FHIT: variants seen among roughly 807,000 people sequenced by gnomAD.
The protein encoded by FHIT is bis(5'-adenosyl)-triphosphatase.
FHIT carries 19 observed loss-of-function variants against 17.9 expected under a neutral mutation model. The ratio of observed to expected loss-of-function variants is 1.06; its 90% confidence interval spans 0.74 to 1.56. The LOEUF (loss-of-function observed/expected upper bound fraction) is 1.56, where lower values mean the gene tolerates loss of function less well. FHIT is among the 40% of genes most tolerant of loss of function. FHIT has a pLI of 0.00. For missense variants in FHIT, 248 were observed against 189.2 expected, an observed-to-expected ratio of 1.31 and a Z score of -1.82; for synonymous variants, 81 against 69.7, an observed-to-expected ratio of 1.16 and a Z score of -0.81.
At chr3:60,307,942 G>A (rs1708758110) in intron 5 of FHIT, among the ~76,000 whole-genome samples, 1 of 152,070 alleles carries the variant, frequency 6.6e-6, no homozygotes, top group Admixed American at 6.5e-5. Context: ...ATTTACCAAG[G>A]GATCACTATG....
chr3:60,453,884 T>C (rs2031913061), intron 5 of FHIT, among the ~76,000 whole-genome samples: 1 of 152,126 alleles, frequency 6.6e-6, no homozygotes, highest in Non-Finnish European at 1.5e-5. Context: ...TAAATCTTCC[T>C]GGAGTAGCTC....
chr3:59,861,198 A>G (rs1702388724), intron 8 of FHIT, among the ~76,000 whole-genome samples: 1 of 152,182 alleles, frequency 6.6e-6, no homozygotes, highest in Non-Finnish European at 1.5e-5. Flanking sequence ...AAAGACAGCT[A>G]AAACACAAGA....
At chr3:60,510,508 T>A (rs2034908960) in intron 5 of FHIT, among the ~76,000 whole-genome samples, 1 of 152,198 alleles carries the variant, frequency 6.6e-6, no homozygotes. Context: ...TTTATCTCAT[T>A]TTTTGTGAAG....
intron 5 of FHIT, among the ~76,000 whole-genome samples, chr3:60,046,802 C>T (rs138306991): frequency 2.0e-5 from 3 of 152,150 alleles, no homozygotes; most frequent in African/African-American, 7.2e-5. Context: ...GAACTCAGCC[C>T]AAGCTTTCTG....
chr3:60,380,814 T>A (rs919314362), intron 5 of FHIT, among the ~76,000 whole-genome samples: 1 of 152,218 alleles, frequency 6.6e-6, no homozygotes, highest in African/African-American at 2.4e-5. Flanking sequence ...TTATCCATCA[T>A]AGGTTATTCT....
chr3:60,468,780 C>T (rs1048604594), intron 5 of FHIT, among the ~76,000 whole-genome samples: 27 of 152,160 alleles, frequency 1.8e-4, no homozygotes, highest in Admixed American at 9.2e-4. Flanking sequence ...AAGTTTTCTA[C>T]TTTCAGATAG....
At chr3:59,988,220 T>C (rs1228477261) in intron 7 of FHIT, among the ~76,000 whole-genome samples, 1 of 152,070 alleles carries the variant, frequency 6.6e-6, no homozygotes, top group African/African-American at 2.4e-5. Flanking sequence ...ATTCCAAAGT[T>C]AACTTCGTTA....
intron 5 of FHIT, among the ~76,000 whole-genome samples, chr3:60,325,484 T>C (rs1317577286): frequency 6.6e-6 from 1 of 152,240 alleles, no homozygotes; most frequent in Non-Finnish European, 1.5e-5. Context: ...ATTTGTTTTT[T>C]AGAAATGTAA....
At chr3:60,550,721 T>C (rs1460570068) in intron 4 of FHIT, among the ~76,000 whole-genome samples, 1 of 152,126 alleles carries the variant, frequency 6.6e-6, no homozygotes, top group Non-Finnish European at 1.5e-5. Flanking sequence ...CTTAATAACC[T>C]TTCCTCATCA....
intron 7 of FHIT, among the ~76,000 whole-genome samples, chr3:59,969,599 G>GT (rs1160986941): frequency 1.3e-5 from 2 of 152,064 alleles, no homozygotes; most frequent in African/African-American, 4.8e-5. Context: ...CAGTAACTGT[G>GT]TTTTGTATAA....
chr3:60,694,457 T>C (rs1417204322), intron 4 of FHIT, among the ~76,000 whole-genome samples: 2 of 152,112 alleles, frequency 1.3e-5, no homozygotes, highest in South Asian at 2.1e-4. Context: ...CACTTTTACA[T>C]TGTTGGTGGG....
intron 8 of FHIT, among the ~76,000 whole-genome samples, chr3:59,878,252 A>G (rs556763181): frequency 1.5e-4 from 23 of 152,318 alleles, no homozygotes; most frequent in East Asian, 1.2e-3. Context: ...ACCTGACAGA[A>G]GCATTTAAAA....
intron 3 of FHIT, among the ~76,000 whole-genome samples, chr3:60,891,601 T>C (rs1445737270): frequency 1.3e-5 from 2 of 152,220 alleles, no homozygotes; most frequent in Non-Finnish European, 2.9e-5. Context: ...TACGTGTCTA[T>C]ATTTTTTCAG....
At chr3:60,617,758 C>G (rs996151527) in intron 4 of FHIT, 2 of 154,444 alleles carry the variant, frequency 1.3e-5, no homozygotes, top group Non-Finnish European at 2.9e-5. Context: ...AAAAAGTTAT[C>G]CAGATGTGAT....
intron 5 of FHIT, among the ~76,000 whole-genome samples, chr3:60,124,927 G>A (rs538782802): frequency 5.3e-5 from 8 of 152,198 alleles, no homozygotes; most frequent in East Asian, 3.9e-4. Flanking sequence ...ATCTTGCTAG[G>A]GGTCAAAACC....
intron 5 of FHIT, among the ~76,000 whole-genome samples, chr3:60,112,250 C>T (rs1353725733): frequency 2.6e-5 from 4 of 152,076 alleles, no homozygotes; most frequent in African/African-American, 9.7e-5. Flanking sequence ...TAAGGACTCC[C>T]AGAACAATAT....
chr3:60,881,240 G>A (rs1397729329), intron 3 of FHIT, among the ~76,000 whole-genome samples: 1 of 152,184 alleles, frequency 6.6e-6, no homozygotes, highest in Non-Finnish European at 1.5e-5. Context: ...AATTCAGCAA[G>A]AAGCTACAAC....
At chr3:59,773,925 CTG>C (rs1702185568) in intron 8 of FHIT, among the ~76,000 whole-genome samples, 1 of 152,258 alleles carries the variant, frequency 6.6e-6, no homozygotes, top group Non-Finnish European at 1.5e-5. Flanking sequence ...GTGAAAAAGA[CTG>C]TAAAATATCT....
chr3:59,987,497 A>T (rs1054354967), intron 7 of FHIT, among the ~76,000 whole-genome samples: 25 of 152,068 alleles, frequency 1.6e-4, no homozygotes, highest in Admixed American at 1.5e-3. Context: ...ACCAGTAATT[A>T]GATGTTTTAA....
Sources: gnomAD v4.1 joint callset for allele counts (sites outside exome capture counted in the v4.1 genomes callset) on GRCh38, gnomAD v4.1.1 for gene constraint, MANE v1.5 for transcripts, NCBI Gene and HGNC (gene_info 2026-07-23, HGNC 2026-07-21) for gene names.